Variants in PHACTR2 observed in about 807,000 individuals in gnomAD.
PHACTR2 encodes the protein chromosome 6 open reading frame 56.
Under a neutral mutation model 76.0 loss-of-function variants are expected in PHACTR2, and 30 were observed. That is an observed-to-expected ratio of 0.39 (90% CI 0.30 to 0.54). PHACTR2 has a LOEUF of 0.54. PHACTR2 is among the 20% of genes least tolerant of loss of function. The probability of loss-of-function intolerance (pLI) is 0.61; values close to 1 mark genes in which losing one functional copy is unlikely to be tolerated. For synonymous variants in PHACTR2, 292 were observed against 292.5 expected, an observed-to-expected ratio of 1.00 and a Z score of 0.02; for missense variants, 696 against 781.1, an observed-to-expected ratio of 0.89 and a Z score of 1.30.
At chr6:143,686,725 T>A (rs530397627) in intron 1 of PHACTR2, among the ~76,000 whole-genome samples, 1 of 152,270 alleles carries the variant, frequency 6.6e-6, no homozygotes, top group Admixed American at 6.5e-5. Flanking sequence ...GACCTCGTGA[T>A]CCACCTGCCT....
intron 2 of PHACTR2, among the ~76,000 whole-genome samples, chr6:143,747,473 G>A (rs1160772324): frequency 1.3e-5 from 2 of 152,182 alleles, no homozygotes; most frequent in Admixed American, 1.3e-4. Flanking sequence ...TGTTCTTAGT[G>A]TTATCACAAA....
rs1389730425 is a variant in PHACTR2, at chr6:143,753,487, C to T, written c.296-267C>T. On this transcript the variant is annotated intron_variant, in intron 3 of 12. Transcript: ENST00000440869. The surrounding 1 kb of genome is among the most constrained non-coding windows in gnomAD (Gnocchi z 4.6). ...CAAACCTAAGCACATGAACGAGGGA[C>T]TCTGCTGCCCTGGGATATTGGATAA... Among the ~76,000 whole-genome samples the T allele has an allele frequency of 1.4e-4, 22 of 152,144 alleles. No homozygotes were observed.
chr6:143,789,104 G>A lies in PHACTR2; in HGVS notation c.1845+194G>A, dbSNP rs890971583. 2.2e-5 allele frequency: 10 copies of A among 464,258 alleles called. No homozygotes were observed. In the Admixed American group the frequency reaches 3.0e-4, roughly 14 times the overall value. 28.8% of individuals were successfully genotyped at this position (464,258 alleles called of 1,614,324 possible). On this transcript the variant is annotated intron_variant, in intron 11 of 12. Coordinates refer to ENST00000440869, the MANE Select transcript of PHACTR2 (RefSeq NM_001100164.2). This position sits in a 1 kb window ranked among gnomAD's most constrained non-coding sequence, Gnocchi z 5.1. ...ATGTAGTTCTTTCAACTAAGTCTCAGAGAAAAGTAGTTATTTACCATATAA... is the reference window on the plus strand; with the variant it reads ...ATGTAGTTCTTTCAACTAAGTCTCAAAGAAAAGTAGTTATTTACCATATAA...
rs891006070 is a variant in PHACTR2 at position 143,772,088 on chromosome 6, C to T, written c.1233-170C>T. 5.9e-5 allele frequency among the ~76,000 whole-genome samples: 9 copies of T among 152,216 alleles called. No homozygotes were observed. Among genetic ancestry groups the T allele is most frequent in the Non-Finnish European group, 1.0e-4 (7 of 67,992 alleles). ...CATTTTACAGATGAAAAATGTAAAA[C>T]CTTGAGAATTAAGGTTTCATTTCAG... On this transcript the variant is annotated intron_variant, in intron 6 of 12. Coordinates refer to ENST00000440869, the MANE Select transcript of PHACTR2 (RefSeq NM_001100164.2). This position sits in a 1 kb window ranked among gnomAD's most constrained non-coding sequence, Gnocchi z 5.4.
At chr6:143,563,867 G>C (rs1173522939) in intron 1 of PHACTR2, among the ~76,000 whole-genome samples, 1 of 151,614 alleles carries the variant, frequency 6.6e-6, no homozygotes, top group Non-Finnish European at 1.5e-5. Context: ...AGCAGGGTGT[G>C]GTGGCGCACA....
intron 12 of PHACTR2, among the ~76,000 whole-genome samples, chr6:143,808,214 C>T (rs1253978612): frequency 1.3e-5 from 2 of 151,670 alleles, no homozygotes; most frequent in African/African-American, 4.9e-5. Context: ...ACTGCAACCT[C>T]CACCTCCCGG....
chr6:143,705,530 G>A lies in PHACTR2; in HGVS notation c.47-6486G>A, dbSNP rs144108477. Among the ~76,000 whole-genome samples the A allele has an allele frequency of 3.0e-3, 454 of 151,768 alleles. 4 individuals are homozygous for A. Among genetic ancestry groups the A allele is most frequent in the Non-Finnish European group, 4.7e-3 (318 of 67,898 alleles). On this transcript the variant is annotated intron_variant, in intron 1 of 12. Transcript: ENST00000440869. ...AAGATGGTCTCGATCTCCTGACCTCGCGTGATCTGCCCACCTCAGCCTTCC... is the reference window on the plus strand; with the variant it reads ...AAGATGGTCTCGATCTCCTGACCTCACGTGATCTGCCCACCTCAGCCTTCC...
Position 143,680,161 on chromosome 6 carries a change from T to A in PHACTR2, c.46+1952T>A, listed in dbSNP as rs7743156. 0.28 allele frequency among the ~76,000 whole-genome samples: 42,996 copies of A among 151,284 alleles called. 6,107 individuals carry two copies. The highest frequency in any genetic ancestry group is 0.4 in the Middle Eastern group (116 of 292). ...CAAATGAAAACCAAAAAAAAAAAAA[T>A]TTAAATTAAATAACGTTTGCTGAGT... On this transcript the variant is annotated intron_variant, in intron 1 of 12. Coordinates refer to ENST00000440869, the MANE Select transcript of PHACTR2 (RefSeq NM_001100164.2). This position sits in a 1 kb window ranked among gnomAD's most constrained non-coding sequence, Gnocchi z 4.5.
At chr6:143,669,191 T>A (rs1240395987) in intron 1 of PHACTR2, among the ~76,000 whole-genome samples, 1 of 152,216 alleles carries the variant, frequency 6.6e-6, no homozygotes, top group Admixed American at 6.5e-5. Flanking sequence ...TTTGAGTAAG[T>A]TTCTTAATCC....
intron 12 of PHACTR2, among the ~76,000 whole-genome samples, chr6:143,815,087 A>G (rs1453097378): frequency 6.6e-6 from 1 of 152,218 alleles, no homozygotes; most frequent in East Asian, 1.9e-4. Flanking sequence ...CCACCGAGGA[A>G]TGGAAAGGCT....
At position 143,761,651 on chromosome 6, in the gene PHACTR2, G is replaced by A. The variant is rs913959401; in HGVS notation, c.694+1011G>A. Reference sequence around the variant, plus strand: ...CACCTCTAATCCCAGCTACTCAGGAGGCTGAGGCAGGAAAATCGCTTGAAC... The same window carrying A: ...CACCTCTAATCCCAGCTACTCAGGAAGCTGAGGCAGGAAAATCGCTTGAAC... On this transcript the variant is annotated intron_variant, in intron 5 of 12. Transcript: ENST00000440869. This position sits in a 1 kb window ranked among gnomAD's most constrained non-coding sequence, Gnocchi z 5.2. Among the ~76,000 whole-genome samples the A allele has an allele frequency of 6.6e-6, 1 of 152,122 alleles. No individual in the cohort carries two copies. Among genetic ancestry groups the A allele is most frequent in the South Asian group, 2.1e-4 (1 of 4,822 alleles).
rs934298945 is a variant in PHACTR2, at chr6:143,689,434, G to A, written c.46+11225G>A. ...CAGGTCATACATTAGTAGAGTAGTG[G>A]GAACTGAGTAGAAAGTTCAGGGGCA... On this transcript the variant is annotated intron_variant, in intron 1 of 12. Transcript: ENST00000440869. This position sits in a 1 kb window ranked among gnomAD's most constrained non-coding sequence, Gnocchi z 4.4. 6.6e-6 allele frequency among the ~76,000 whole-genome samples: 1 copy of A among 152,110 alleles called. No homozygotes were observed. Among genetic ancestry groups the A allele is most frequent in the Non-Finnish European group, 1.5e-5 (1 of 68,020 alleles).
Position 143,663,807 on chromosome 6 carries a change from T to C in PHACTR2, c.14-48209T>C, listed in dbSNP as rs1034405215. ...TGGTCAGAGATCAGGGATTACTTAA[T>C]ATGAATTACTTAAAATTTATTGAGA... On this transcript the variant is annotated intron_variant, in intron 1 of 11. Coordinates refer to the PHACTR2 transcript ENST00000305766. The surrounding 1 kb of genome is among the most constrained non-coding windows in gnomAD (Gnocchi z 4.1). Among the ~76,000 whole-genome samples the C allele has an allele frequency of 6.6e-6, 1 of 152,202 alleles. No homozygotes were observed. Among genetic ancestry groups the C allele is most frequent in the Non-Finnish European group, 1.5e-5 (1 of 68,010 alleles).
Position 143,714,788 on chromosome 6 carries a change from C to T in PHACTR2, c.214+2605C>T, listed in dbSNP as rs1348922562. Among the ~76,000 whole-genome samples, 6 of 152,280 alleles carry T rather than the reference C, an allele frequency of 3.9e-5. No individual in the cohort carries two copies. In the South Asian group the frequency reaches 1.2e-3, roughly 32 times the overall value. On this transcript the variant is annotated intron_variant, in intron 2 of 12. Coordinates refer to ENST00000440869, the MANE Select transcript of PHACTR2 (RefSeq NM_001100164.2). ...TAAGCTCTAGGTTCTTCTATCCCTT[C>T]CCTATTGTTAGAACTCAAAATGGCA...
chr6:143,717,994 GA>G (rs1320525625), intron 2 of PHACTR2, among the ~76,000 whole-genome samples: 17 of 151,980 alleles, frequency 1.1e-4, no homozygotes, highest in African/African-American at 1.9e-4. Flanking sequence ...AATAAAATTG[GA>G]AAAAAATATT....
chr6:143,677,283 AATAT>A (rs1242352678), upstream of PHACTR2, among the ~76,000 whole-genome samples: 2 of 146,444 alleles, frequency 1.4e-5, no homozygotes, highest in African/African-American at 4.9e-5. Context: ...AAATATGAAG[AATAT>A]TTATTTGTAT....
chr6:143,702,946 T>C (rs1344101902), intron 1 of PHACTR2, among the ~76,000 whole-genome samples: 1 of 151,544 alleles, frequency 6.6e-6, no homozygotes, highest in Non-Finnish European at 1.5e-5. Flanking sequence ...TAGATGAATC[T>C]CACAGACATT....
rs1778762979 is a variant in PHACTR2 at position 143,733,973 on chromosome 6, A to G, written c.215-15012A>G. Among the ~76,000 whole-genome samples, 1 of 152,230 alleles carries G rather than the reference A, an allele frequency of 6.6e-6. No homozygotes were observed. Among genetic ancestry groups the G allele is most frequent in the Non-Finnish European group, 1.5e-5 (1 of 68,050 alleles). On this transcript the variant is annotated intron_variant, in intron 2 of 12. Coordinates refer to ENST00000440869, the MANE Select transcript of PHACTR2 (RefSeq NM_001100164.2). The surrounding 1 kb of genome is among the most constrained non-coding windows in gnomAD (Gnocchi z 4.0). Reference sequence around the variant, plus strand: ...CAGATTTCCTCTATGTGCTCTAAATATAAAGGAGACTAATTATTTCTCCCC... The same window carrying G: ...CAGATTTCCTCTATGTGCTCTAAATGTAAAGGAGACTAATTATTTCTCCCC...
chr6:143,706,185 A>G (rs552376758), intron 1 of PHACTR2, among the ~76,000 whole-genome samples: 4 of 152,222 alleles, frequency 2.6e-5, no homozygotes, highest in South Asian at 4.1e-4. Flanking sequence ...TGGGACTACA[A>G]GATGTTGCAG....
Sources: gnomAD v4.1 joint callset for allele counts (sites outside exome capture counted in the v4.1 genomes callset) on GRCh38, gnomAD v4.1.1 for gene constraint, Gnocchi (gnomAD v3.1) non-coding constraint, MANE v1.5 for transcripts, NCBI Gene and HGNC (gene_info 2026-07-23, HGNC 2026-07-21) for gene names.